Variants in SDK1 observed in about 807,000 individuals in gnomAD.
SDK1 encodes protein sidekick-1.
SDK1 carries 157 observed loss-of-function variants against 245.5 expected under a neutral mutation model. That is an observed-to-expected ratio of 0.64 (90% confidence interval 0.56 to 0.73). The LOEUF (loss-of-function observed/expected upper bound fraction) is 0.73, where lower values mean the gene tolerates loss of function less well. SDK1 is among the 30% of genes least tolerant of loss of function. The probability of loss-of-function intolerance (pLI) is 0.00; values close to 1 mark genes in which losing one functional copy is unlikely to be tolerated. For synonymous variants in SDK1, 1,647 were observed against 1,278.5 expected, an observed-to-expected ratio of 1.29 and a Z score of -6.15; for missense variants, 3,583 against 3,002.3, an observed-to-expected ratio of 1.19 and a Z score of -4.52.
At chr7:4,038,799 A>G (rs138750049) in intron 17 of SDK1, among the ~76,000 whole-genome samples, 15 of 152,278 alleles carry the variant, frequency 9.9e-5, no homozygotes, top group East Asian at 3.9e-4. Context: ...ACTGCAGACA[A>G]TTTTCCCAGT....
chr7:3,444,300 T>G (rs1780282279), intron 1 of SDK1, among the ~76,000 whole-genome samples: 1 of 152,210 alleles, frequency 6.6e-6, no homozygotes, highest in Non-Finnish European at 1.5e-5. Context: ...ACATCTCCAC[T>G]TGGATGTCTA....
chr7:4,167,579 A>T (rs1182445553), intron 32 of SDK1, among the ~76,000 whole-genome samples: 1 of 152,218 alleles, frequency 6.6e-6, no homozygotes, highest in Non-Finnish European at 1.5e-5. Context: ...GGGTGCAGTG[A>T]CACACAGATG....
intron 1 of SDK1, among the ~76,000 whole-genome samples, chr7:3,598,826 G>A (rs1781156982): frequency 6.6e-6 from 1 of 151,840 alleles, no homozygotes. Flanking sequence ...AGTAAACCGT[G>A]GTGTGGACAT....
chr7:4,147,857 T>G (rs187062236), intron 29 of SDK1, among the ~76,000 whole-genome samples: 112 of 152,228 alleles, frequency 7.4e-4, no homozygotes, highest in African/African-American at 2.5e-3. Context: ...TATGGTTCAT[T>G]TATCTTAAAC....
At chr7:3,977,446 G>A (rs1783038176) in intron 13 of SDK1, among the ~76,000 whole-genome samples, 1 of 152,064 alleles carries the variant, frequency 6.6e-6, no homozygotes, top group Non-Finnish European at 1.5e-5. Flanking sequence ...TCCAGCTTTT[G>A]TGTACGCATG....
At chr7:3,524,136 A>G (rs1481092580) in intron 1 of SDK1, among the ~76,000 whole-genome samples, 1 of 152,236 alleles carries the variant, frequency 6.6e-6, no homozygotes, top group Non-Finnish European at 1.5e-5. Flanking sequence ...CTAAGTGGAT[A>G]TGTGGGGCAA....
intron 13 of SDK1, among the ~76,000 whole-genome samples, chr7:3,984,297 G>A (rs2128138132): frequency 6.6e-6 from 1 of 152,246 alleles, no homozygotes; most frequent in South Asian, 2.1e-4. Flanking sequence ...TTAAGTGAGT[G>A]TCTGCAAAGC....
Position 4,265,483 on chromosome 7 carries a change from T to C in SDK1, c.*99T>C. 7.3e-7 allele frequency: 1 copy of C among 1,368,350 alleles called. No homozygotes were observed. The highest frequency in any genetic ancestry group is 9.4e-7 in the Non-Finnish European group (1 of 1,068,976). The allele number at this position is 1,368,350 out of a possible 1,614,324, so 84.8% of individuals were successfully genotyped here. On this transcript the variant is annotated 3_prime_UTR_variant, in exon 45 of 45. Coordinates refer to ENST00000404826, the MANE Select transcript of SDK1 (RefSeq NM_152744.4). ...TCCAATAACTGAGCTGAAGTTTTTG[T>C]TTAAAAAGAAAAAAATCTGATAAGT...
intron 1 of SDK1, among the ~76,000 whole-genome samples, chr7:3,558,157 TAC>T (rs1779645291): frequency 6.6e-6 from 1 of 152,212 alleles, no homozygotes; most frequent in East Asian, 1.9e-4. Context: ...GTTTTTAGCT[TAC>T]AGAAATGACA....
In SDK1 at chr7:3,604,272, T is replaced by C. The variant is rs556643682; in HGVS notation, c.299-14808T>C. The stretch of plus-strand genomic sequence containing the variant: ...CAGAAGGATTGGTACCAGCTCCTCT[T>C]TGTACCTCTGGTAGAATTCGGCTGT... On this transcript the variant is annotated intron_variant, in intron 1 of 44. Transcript: ENST00000404826. Among the ~76,000 whole-genome samples, 89 of 152,312 alleles carry C rather than the reference T, an allele frequency of 5.8e-4. 2 individuals are homozygous for C. The South Asian group carries it at 0.018, about 31-fold the overall frequency.
At chr7:3,378,004 C>G (rs1781396220) in intron 1 of SDK1, among the ~76,000 whole-genome samples, 1 of 152,106 alleles carries the variant, frequency 6.6e-6, no homozygotes, top group African/African-American at 2.4e-5. Context: ...GTCTTGAACT[C>G]CTGGGCTCAA....
intron 28 of SDK1, among the ~76,000 whole-genome samples, chr7:4,141,969 G>A (rs1396965223): frequency 2.0e-5 from 3 of 152,058 alleles, no homozygotes; most frequent in African/African-American, 4.8e-5. Flanking sequence ...CTTGGCCAGG[G>A]TGGTCTTGAA....
At chr7:3,438,851 T>TTTG (rs1339440144) in intron 1 of SDK1, among the ~76,000 whole-genome samples, 16 of 55,012 alleles carry the variant, frequency 2.9e-4, no homozygotes, top group African/African-American at 6.3e-4. Flanking sequence ...GTATTAATAT[T>TTTG]TTTTTTTTTT....
rs139730882 is a variant in SDK1, at chr7:4,202,230, C to A, written c.5099-3649C>A. Among the ~76,000 whole-genome samples, 221 of 152,296 alleles carry A rather than the reference C, an allele frequency of 1.5e-3. 6 individuals are homozygous for A. In the East Asian group the frequency reaches 0.033, roughly 23 times the overall value. ...TCTTTCACATCTGGTGTCCACCTGT[C>A]CCTCAGCCCAAGGCCTAGACCCTGG... On this transcript the variant is annotated intron_variant, in intron 35 of 44. Transcript: ENST00000404826.
At chr7:3,551,986 T>A (rs1322844640) in intron 1 of SDK1, among the ~76,000 whole-genome samples, 1 of 152,234 alleles carries the variant, frequency 6.6e-6, no homozygotes, top group Non-Finnish European at 1.5e-5. Context: ...CCTGGGTCGT[T>A]CGGGTTGTAG....
At chr7:3,931,743 C>T (rs1447146798) in intron 5 of SDK1, among the ~76,000 whole-genome samples, 3 of 152,078 alleles carry the variant, frequency 2.0e-5, no homozygotes, top group East Asian at 1.9e-4. Flanking sequence ...CTCTCCGTGC[C>T]GACTTATGGG....
chr7:3,895,551 G>A (rs998790664), intron 5 of SDK1, among the ~76,000 whole-genome samples: 3 of 152,148 alleles, frequency 2.0e-5, no homozygotes, highest in East Asian at 1.9e-4. Flanking sequence ...TCGTGACCAC[G>A]AAGCAGTGAT....
intron 5 of SDK1, among the ~76,000 whole-genome samples, chr7:3,919,812 G>C (rs942310480): frequency 6.6e-6 from 1 of 152,038 alleles, no homozygotes; most frequent in South Asian, 2.1e-4. Context: ...GTGAGACACC[G>C]GGCTGCACTC....
chr7:3,309,812 C>T (rs1321897250), intron 1 of SDK1, among the ~76,000 whole-genome samples: 2 of 152,104 alleles, frequency 1.3e-5, no homozygotes, highest in Non-Finnish European at 2.9e-5. Context: ...TATTTTTACT[C>T]TATGTAGAAT....
Sources: allele counts gnomAD v4.1 joint callset (sites outside exome capture counted in the v4.1 genomes callset), GRCh38; gene constraint gnomAD v4.1.1; transcripts MANE v1.5; gene names NCBI Gene and HGNC (gene_info 2026-07-23, HGNC 2026-07-21).